TMEM178B: variants seen among roughly 807,000 people sequenced by gnomAD.
TMEM178B encodes the protein transmembrane protein 178B.
Under a neutral mutation model 31.0 loss-of-function variants are expected in TMEM178B, and 5 were observed. The observed-to-expected ratio is 0.16, with a 90% CI of 0.08 to 0.34. The LOEUF (loss-of-function observed/expected upper bound fraction) is 0.34, where lower values mean the gene tolerates loss of function less well. Ranked by LOEUF, TMEM178B falls within the 10% of genes least tolerant of loss-of-function variation. The probability of loss-of-function intolerance (pLI) is 1.00; values close to 1 mark genes in which losing one functional copy is unlikely to be tolerated. For synonymous variants in TMEM178B, 164 were observed against 164.0 expected, an observed-to-expected ratio of 1.00 and a Z score of 0.00; for missense variants, 275 against 400.3, an observed-to-expected ratio of 0.69 and a Z score of 2.67.
chr7:141,415,033 C>T (rs1268104745), intron 2 of TMEM178B: 1 of 152,220 alleles, frequency 6.6e-6, no homozygotes, highest in African/African-American at 2.4e-5. Context: ...ACAAGCAGGG[C>T]ATGAAGCAGG....
chr7:141,228,173 A>G (rs1014816875), intron 2 of TMEM178B, among the ~76,000 whole-genome samples: 1 of 152,204 alleles, frequency 6.6e-6, no homozygotes, highest in Non-Finnish European at 1.5e-5. Context: ...TTATTTAATA[A>G]GATCACTTTG....
In TMEM178B at chr7:141,447,148, G is replaced by A. The variant is rs185311445; in HGVS notation, c.634+9403G>A. On this transcript the variant is annotated intron_variant, in intron 3 of 3. Coordinates refer to ENST00000565468, the MANE Select transcript of TMEM178B (RefSeq NM_001195278.2). The stretch of plus-strand genomic sequence containing the variant: ...CCTCAGGAAGCTTACGTTCAAGTTG[G>A]AGAGACAGACCAAAAGCAAGTGCCA... Among the ~76,000 whole-genome samples, 413 of 152,258 alleles carry A rather than the reference G, an allele frequency of 2.7e-3. 1 individual carries two copies. The highest frequency in any genetic ancestry group is 6.8e-3 in the Middle Eastern group (2 of 294).
At chr7:141,248,998 G>GT (rs1797785346) in intron 2 of TMEM178B, among the ~76,000 whole-genome samples, 1 of 152,224 alleles carries the variant, frequency 6.6e-6, no homozygotes, top group African/African-American at 2.4e-5. Flanking sequence ...TGACTTTAGA[G>GT]TTTCCTGCTG....
At chr7:141,235,242 T>A (rs1282343153) in intron 2 of TMEM178B, among the ~76,000 whole-genome samples, 1 of 152,192 alleles carries the variant, frequency 6.6e-6, no homozygotes, top group Non-Finnish European at 1.5e-5. Flanking sequence ...GTAAGGAATA[T>A]GTTCTTATAT....
chr7:141,249,669 G>A (rs1021090984), intron 2 of TMEM178B, among the ~76,000 whole-genome samples: 1 of 142,836 alleles, frequency 7.0e-6, no homozygotes, highest in African/African-American at 2.6e-5. Context: ...CATGTGCCTG[G>A]CCAAGGGTGG....
intron 2 of TMEM178B, among the ~76,000 whole-genome samples, chr7:141,320,368 A>T (rs2116472506): frequency 6.6e-6 from 1 of 152,334 alleles, no homozygotes; most frequent in South Asian, 2.1e-4. Flanking sequence ...CCATTATATG[A>T]GTCAGAGAAC....
rs370771577 is a variant in TMEM178B at position 141,266,614 on chromosome 7, C to G, written c.496+53910C>G. Reference sequence around the variant, plus strand: ...GAGTCTTCCGGTGGGCTAGGGGCTGCCTCTGGACATCTTGAGCAAGTCTCA... The same window carrying G: ...GAGTCTTCCGGTGGGCTAGGGGCTGGCTCTGGACATCTTGAGCAAGTCTCA... On this transcript the variant is annotated intron_variant, in intron 2 of 3. Coordinates refer to ENST00000565468, the MANE Select transcript of TMEM178B (RefSeq NM_001195278.2). Among the ~76,000 whole-genome samples the G allele has an allele frequency of 1.4e-4, 22 of 152,238 alleles. No homozygotes were observed. The East Asian group carries it at 4.1e-3, about 28-fold the overall frequency.
At chr7:141,357,985 A>T (rs1799850450) in intron 2 of TMEM178B, among the ~76,000 whole-genome samples, 1 of 152,212 alleles carries the variant, frequency 6.6e-6, no homozygotes, top group African/African-American at 2.4e-5. Flanking sequence ...TTTGTACAGC[A>T]GCTCATATAT....
In TMEM178B at chr7:141,343,525, C is replaced by CTTTTTTT. The variant is rs11442055; in HGVS notation, c.497-94065_497-94059dup. Among the ~76,000 whole-genome samples the CTTTTTTT allele has an allele frequency of 2.5e-4, 22 of 86,998 alleles. 1 individual carries two copies. Among genetic ancestry groups the CTTTTTTT allele is most frequent in the South Asian group, 5.4e-4 (1 of 1,848 alleles). 57.1% of individuals were successfully genotyped at this position (86,998 alleles called of 152,430 possible). ...ATAGCCACAGCTGTGATGGGAGCAC[C>CTTTTTTT]TTTTTTTTTTTTTTTTTTTTTTTTG... On this transcript the variant is annotated intron_variant, in intron 2 of 3. Coordinates refer to ENST00000565468, the MANE Select transcript of TMEM178B (RefSeq NM_001195278.2).
intron 2 of TMEM178B, among the ~76,000 whole-genome samples, chr7:141,361,304 A>G (rs1799914906): frequency 2.0e-5 from 3 of 152,124 alleles, no homozygotes; most frequent in Non-Finnish European, 2.9e-5. Flanking sequence ...CAGGAAGTAG[A>G]CAAGCAACCC....
chr7:141,463,609 C>A (rs1043270134), intron 3 of TMEM178B, among the ~76,000 whole-genome samples: 6 of 152,194 alleles, frequency 3.9e-5, no homozygotes, highest in Admixed American at 2.0e-4. Context: ...TTGAAAACCA[C>A]TGGGGGAGAT....
intron 2 of TMEM178B, among the ~76,000 whole-genome samples, chr7:141,235,829 A>G (rs189526115): frequency 3.9e-5 from 6 of 152,326 alleles, no homozygotes; most frequent in African/African-American, 1.4e-4. Flanking sequence ...ACAGTGAATA[A>G]GATAGGTGTG....
intron 2 of TMEM178B, among the ~76,000 whole-genome samples, chr7:141,293,589 G>A (rs958517674): frequency 6.6e-6 from 1 of 152,164 alleles, no homozygotes; most frequent in Non-Finnish European, 1.5e-5. Context: ...AGGAAGTTGA[G>A]ACCATGGGAG....
intron 2 of TMEM178B, among the ~76,000 whole-genome samples, chr7:141,233,058 G>A (rs149923364): frequency 4.1e-4 from 62 of 152,288 alleles, no homozygotes; most frequent in Non-Finnish European, 8.1e-4. Context: ...TTCGAATGTG[G>A]TCATCCTGGA....
Position 141,344,592 on chromosome 7 carries a change from CTT to C in TMEM178B, c.497-93015_497-93014del, listed in dbSNP as rs1799581413. Among the ~76,000 whole-genome samples, 1 of 131,572 alleles carries C rather than the reference CTT, an allele frequency of 7.6e-6. No homozygotes were observed. Among genetic ancestry groups the C allele is most frequent in the African/African-American group, 2.9e-5 (1 of 34,990 alleles). 86.3% of individuals were successfully genotyped at this position (131,572 alleles called of 152,430 possible). ...CCCTCCTCCCTTCCTTCCTTCCTTC[CTT>C]CCTTCCTTCCTTCCTTCCTTCCTTC... On this transcript the variant is annotated intron_variant, in intron 2 of 3. Transcript: ENST00000565468. This position sits in a 1 kb window ranked among gnomAD's most constrained non-coding sequence, Gnocchi z 4.1.
intron 1 of TMEM178B, among the ~76,000 whole-genome samples, chr7:141,118,874 A>G (rs970081539): frequency 6.6e-6 from 1 of 152,172 alleles, no homozygotes; most frequent in African/African-American, 2.4e-5. Context: ...GGAAAATCTT[A>G]CTTCCTAGCA....
At chr7:141,442,356 C>A (rs947843252) in intron 3 of TMEM178B, among the ~76,000 whole-genome samples, 1 of 152,180 alleles carries the variant, frequency 6.6e-6, no homozygotes, top group African/African-American at 2.4e-5. Flanking sequence ...TCTGGCCACC[C>A]TGCAATCAGT....
chr7:141,450,082 A>G (rs1025300714), intron 3 of TMEM178B, among the ~76,000 whole-genome samples: 1 of 152,228 alleles, frequency 6.6e-6, no homozygotes, highest in Non-Finnish European at 1.5e-5. Flanking sequence ...ATGCAAAGCC[A>G]CTGTGCCTCC....
chr7:141,443,712 G>A (rs1425553165), intron 3 of TMEM178B, among the ~76,000 whole-genome samples: 3 of 152,110 alleles, frequency 2.0e-5, no homozygotes, highest in African/African-American at 4.8e-5. Context: ...TGCAGCCCAC[G>A]CTTGAGGAAT....
Sources: gnomAD v4.1 joint callset for allele counts (sites outside exome capture counted in the v4.1 genomes callset) on GRCh38, gnomAD v4.1.1 for gene constraint, Gnocchi (gnomAD v3.1) non-coding constraint, MANE v1.5 for transcripts, NCBI Gene and HGNC (gene_info 2026-07-23, HGNC 2026-07-21) for gene names.